The following ADARB2 variants were observed in gnomAD, a reference collection of about 807,000 sequenced individuals.
ADARB2 encodes the protein adenosine deaminase RNA specific B2 (inactive), also known as inactive double-stranded RNA-specific editase B2.
In ADARB2, 25 loss-of-function variants were observed where a neutral mutation model predicts 62.2. The observed-to-expected ratio is 0.40, with a 90% CI of 0.29 to 0.56. The LOEUF is 0.56. Among genes scored for constraint, ADARB2 ranks in the 20% least tolerant of loss-of-function variants. ADARB2 has a pLI of 0.43. For synonymous variants in ADARB2, 572 were observed against 500.8 expected, an observed-to-expected ratio of 1.14 and a Z score of -1.90; for missense variants, 1,071 against 1,077.4, an observed-to-expected ratio of 0.99 and a Z score of 0.08.
intron 1 of ADARB2, among the ~76,000 whole-genome samples, chr10:1,425,386 TG>T (rs1832886054): frequency 6.6e-6 from 1 of 152,254 alleles, no homozygotes; most frequent in Non-Finnish European, 1.5e-5. Flanking sequence ...ATAGAGACTA[TG>T]CTTTGTCCTA....
At chr10:1,306,280 G>A (rs1831627225) in intron 3 of ADARB2, among the ~76,000 whole-genome samples, 1 of 151,830 alleles carries the variant, frequency 6.6e-6, no homozygotes, top group African/African-American at 2.4e-5. Context: ...CAAACAGAGA[G>A]CCAAATCATG....
At chr10:1,617,114 G>A (rs562034559) in intron 1 of ADARB2, among the ~76,000 whole-genome samples, 19 of 130,562 alleles carry the variant, frequency 1.5e-4, no homozygotes, top group East Asian at 2.5e-4. Flanking sequence ...CGTCCTGCCC[G>A]TCCAGACACA....
At chr10:1,373,991 T>C (rs11250480) in intron 2 of ADARB2, among the ~76,000 whole-genome samples, 71,092 of 99,486 alleles carry the variant, frequency 0.71, 28,430 homozygotes, top group Non-Finnish European at 0.87. Flanking sequence ...GTGGACTCCG[T>C]GCACCTTTCC....
At chr10:1,611,181 T>C (rs1284606830) in intron 1 of ADARB2, among the ~76,000 whole-genome samples, 1 of 152,172 alleles carries the variant, frequency 6.6e-6, no homozygotes, top group African/African-American at 2.4e-5. Flanking sequence ...TGTCACAGGC[T>C]GAGGGCTGGG....
At chr10:1,718,131 G>A (rs376473838) in intron 1 of ADARB2, among the ~76,000 whole-genome samples, 1 of 152,158 alleles carries the variant, frequency 6.6e-6, no homozygotes, top group African/African-American at 2.4e-5. Flanking sequence ...ACAGAAAGTC[G>A]CTGTTTCCAT....
At chr10:1,608,243 G>A (rs1833518563) in intron 1 of ADARB2, among the ~76,000 whole-genome samples, 1 of 152,188 alleles carries the variant, frequency 6.6e-6, no homozygotes, top group Non-Finnish European at 1.5e-5. Flanking sequence ...ATGACCTTTT[G>A]CATTTGCCTC....
chr10:1,691,368 G>A (rs910514653), intron 1 of ADARB2, among the ~76,000 whole-genome samples: 1 of 152,146 alleles, frequency 6.6e-6, no homozygotes, highest in Non-Finnish European at 1.5e-5. Flanking sequence ...CTGGTCTGTG[G>A]TCTTTTGTTA....
At chr10:1,241,756 C>T (rs543723482) in intron 5 of ADARB2, among the ~76,000 whole-genome samples, 4 of 152,220 alleles carry the variant, frequency 2.6e-5, no homozygotes, top group Non-Finnish European at 4.4e-5. Context: ...TCCAAGCCAC[C>T]CCTTGGGCAC....
rs1831415655 is a variant in ADARB2 at position 1,477,395 on chromosome 10, G to T, written c.101-98235C>A. 6.6e-6 allele frequency among the ~76,000 whole-genome samples: 1 copy of T among 152,088 alleles called. No individual in the cohort carries two copies. Among genetic ancestry groups the T allele is most frequent in the Non-Finnish European group, 1.5e-5 (1 of 68,010 alleles). The stretch of plus-strand genomic sequence containing the variant: ...AGCAGCATGACCTTATCTGCCCATG[G>T]CCCCCTCCAGCATGACCCTATACAG... On this transcript the variant is annotated intron_variant, in intron 1 of 9. Transcript: ENST00000381312. The surrounding 1 kb of genome is among the most constrained non-coding windows in gnomAD (Gnocchi z 4.5).
intron 1 of ADARB2, among the ~76,000 whole-genome samples, chr10:1,509,422 G>A (rs988862907): frequency 1.3e-5 from 2 of 152,170 alleles, no homozygotes; most frequent in Non-Finnish European, 2.9e-5. Context: ...GCCCTCGGGG[G>A]TTCGTCAGGC....
chr10:1,629,652 T>C (rs900955551), intron 1 of ADARB2, among the ~76,000 whole-genome samples: 1 of 148,940 alleles, frequency 6.7e-6, no homozygotes, highest in Non-Finnish European at 1.5e-5. Flanking sequence ...CTGCAGATCC[T>C]GCAAGTCCAG....
intron 1 of ADARB2, among the ~76,000 whole-genome samples, chr10:1,603,020 A>G (rs113506260): frequency 4.6e-5 from 4 of 86,612 alleles, no homozygotes; most frequent in African/African-American, 1.6e-4. Flanking sequence ...ACACACACAT[A>G]CACACATCAA....
At chr10:1,560,773 C>A (rs148837644) in intron 1 of ADARB2, among the ~76,000 whole-genome samples, 1 of 152,184 alleles carries the variant, frequency 6.6e-6, no homozygotes, top group African/African-American at 2.4e-5. Context: ...GACTTGTGGA[C>A]GGTCATCTGT....
At chr10:1,394,431 C>G (rs771268295) in intron 1 of ADARB2, among the ~76,000 whole-genome samples, 3 of 152,208 alleles carry the variant, frequency 2.0e-5, no homozygotes, top group Non-Finnish European at 2.9e-5. Context: ...CCTGGTGTTT[C>G]TCTGCTCCAC....
intron 1 of ADARB2, among the ~76,000 whole-genome samples, chr10:1,549,336 T>C (rs1413504433): frequency 1.3e-5 from 2 of 152,172 alleles, no homozygotes; most frequent in Non-Finnish European, 2.9e-5. Context: ...TGTCTCTGTT[T>C]AGCAGGGACA....
chr10:1,687,023 C>T (rs11250729), intron 1 of ADARB2, among the ~76,000 whole-genome samples: 12,029 of 144,038 alleles, frequency 0.084, 699 homozygotes, highest in East Asian at 0.21. Flanking sequence ...TGGGTCATGA[C>T]ATTGCCTTTT....
intron 3 of ADARB2, among the ~76,000 whole-genome samples, chr10:1,275,832 G>C (rs1164286898): frequency 6.6e-6 from 1 of 152,078 alleles, no homozygotes; most frequent in Non-Finnish European, 1.5e-5. Context: ...CAAAGGACAC[G>C]AACTCATCAT....
chr10:1,474,453 G>A (rs554925744), intron 1 of ADARB2, among the ~76,000 whole-genome samples: 1 of 152,176 alleles, frequency 6.6e-6, no homozygotes, highest in Non-Finnish European at 1.5e-5. Context: ...GGACACACAG[G>A]CCTCTTCTGC....
At chr10:1,475,935 T>G (rs529127287) in intron 1 of ADARB2, among the ~76,000 whole-genome samples, 2 of 152,286 alleles carry the variant, frequency 1.3e-5, no homozygotes, top group African/African-American at 4.8e-5. Flanking sequence ...ACATTTTTGT[T>G]TCACCGAGTC....
Sources: gnomAD v4.1 joint callset for allele counts (sites outside exome capture counted in the v4.1 genomes callset) on GRCh38, gnomAD v4.1.1 for gene constraint, Gnocchi (gnomAD v3.1) non-coding constraint, MANE v1.5 for transcripts, NCBI Gene and HGNC (gene_info 2026-07-23, HGNC 2026-07-21) for gene names.